Variants in SNRPE observed in about 807,000 individuals in gnomAD.
SNRPE encodes small nuclear ribonucleoprotein polypeptide E.
For synonymous variants in SNRPE, 35 were observed against 36.7 expected, an observed-to-expected ratio of 0.95 and a Z score of 0.17; for missense variants, 53 against 111.6, an observed-to-expected ratio of 0.48 and a Z score of 2.36.
intron 4 of SNRPE, among the ~76,000 whole-genome samples, chr1:203,869,399 C>T (rs543240478): frequency 2.1e-5 from 3 of 144,184 alleles, no homozygotes; most frequent in East Asian, 2.2e-4. Context: ...CTCCGCCTCC[C>T]GGATTCAAGC....
chr1:203,868,570 T>C (rs1022500358), intron 4 of SNRPE, among the ~76,000 whole-genome samples: 2 of 152,222 alleles, frequency 1.3e-5, no homozygotes, highest in African/African-American at 2.4e-5. Context: ...GAACTAGATA[T>C]ATGGAAAGTA....
In SNRPE at chr1:203,871,048, A is replaced by C. The variant is rs1464945600; in HGVS notation, c.*1116A>C. ...AGAGGAGATTTGTAGGTGAATGCAG[A>C]AGTGTATCCAGCTTTGAACCATGCA... On this transcript the variant is annotated 3_prime_UTR_variant, in exon 5 of 5. Transcript: ENST00000414487. Among the ~76,000 whole-genome samples, 1 of 152,230 alleles carries C rather than the reference A, an allele frequency of 6.6e-6. No homozygotes were observed. Among genetic ancestry groups the C allele is most frequent in the Non-Finnish European group, 1.5e-5 (1 of 68,048 alleles).
chr1:203,862,108 A>C, intron 1 of SNRPE, 88 bp from the exon 2 acceptor site: 1 of 1,054,586 alleles, frequency 9.5e-7, no homozygotes, highest in Non-Finnish European at 1.5e-6. Context: ...TAGTAAACAA[A>C]GGTGAGACGG....
intron 4 of SNRPE, 40 bp from the exon 5 acceptor site, chr1:203,869,837 G>T: frequency 7.0e-7 from 1 of 1,431,400 alleles, no homozygotes; most frequent in Non-Finnish European, 9.7e-7. Context: ...ACATCTGAGT[G>T]TGTGGCTATT....
intron 1 of SNRPE, 133 bp downstream of exon 1, chr1:203,861,846 G>A: frequency 2.6e-6 from 2 of 758,052 alleles, no homozygotes; most frequent in East Asian, 2.6e-5. Flanking sequence ...ACCAAGACTG[G>A]AAGAAAGCGC....
At chr1:203,864,101 T>G (rs564424848) in intron 3 of SNRPE, among the ~76,000 whole-genome samples, 96 of 152,112 alleles carry the variant, frequency 6.3e-4, no homozygotes, top group Middle Eastern at 6.8e-3. Flanking sequence ...ATCAGAAGCG[T>G]GCACCATCAC....
Position 203,871,000 on chromosome 1 carries a change from A to G in SNRPE, c.*1068A>G, listed in dbSNP as rs1213799644. On this transcript the variant is annotated 3_prime_UTR_variant, in exon 5 of 5. Coordinates refer to ENST00000414487, the MANE Select transcript of SNRPE (RefSeq NM_003094.4). ...TGAAGGAGACTTTTCATGAAACTGA[A>G]TAAAAGAAATCCTTTCCGAGATAGA... is the stretch of plus-strand genomic sequence containing the variant. Among the ~76,000 whole-genome samples the G allele has an allele frequency of 1.3e-5, 2 of 152,226 alleles. No individual in the cohort carries two copies. Among genetic ancestry groups the G allele is most frequent in the South Asian group, 2.1e-4 (1 of 4,832 alleles).
In SNRPE at chr1:203,870,051, C is replaced by T. The variant is rs555319408; in HGVS notation, c.*119C>T. On this transcript the variant is annotated 3_prime_UTR_variant, in exon 5 of 5. Coordinates refer to ENST00000414487, the MANE Select transcript of SNRPE (RefSeq NM_003094.4). ...TTACCCTCGTGTTACTACAAGATGG[C>T]AATAAATACTATGGGATTGTTTGTA... 9 of 598,566 alleles carry T rather than the reference C, an allele frequency of 1.5e-5. No homozygotes were observed. The highest frequency in any genetic ancestry group is 9.1e-4 in the Middle Eastern group (2 of 2,204). The allele number at this position is 598,566 out of a possible 1,614,324, so 37.1% of individuals were successfully genotyped here. A position where few individuals can be genotyped will look rare whatever the true frequency, so the allele number is the denominator to read the frequency against.
rs901021506 is a variant in SNRPE, at chr1:203,867,259, G to A, written c.223+2140G>A. ...CACGCCACTGCGCTCCAGCCTGGGC[G>A]ACACAGCGAGACTCTGTCTCAAAAA... On this transcript the variant is annotated intron_variant, in intron 4 of 4. Transcript: ENST00000414487. 9.2e-5 allele frequency among the ~76,000 whole-genome samples: 12 copies of A among 130,750 alleles called. No individual in the cohort carries two copies. In the East Asian group the frequency reaches 1.6e-3, roughly 17 times the overall value. The allele number at this position is 130,750 out of a possible 152,430, so 85.8% of individuals were successfully genotyped here.
In SNRPE at chr1:203,870,397, G is replaced by A. The variant is rs531274218; in HGVS notation, c.*465G>A. On this transcript the variant is annotated 3_prime_UTR_variant, in exon 5 of 5. Transcript: ENST00000414487. ...AAATATGTTGGGTACATTATTTAAT[G>A]GGGTCAGTATTGCTCAACACTCTCA... 2.6e-5 allele frequency: 4 copies of A among 153,956 alleles called. No individual in the cohort carries two copies. Among genetic ancestry groups the A allele is most frequent in the African/African-American group, 9.6e-5 (4 of 41,474 alleles). 9.5% of individuals were successfully genotyped at this position (153,956 alleles called of 1,614,324 possible). A position where few individuals can be genotyped will look rare whatever the true frequency, so the allele number is the denominator to read the frequency against.
In SNRPE at chr1:203,863,716, C is replaced by A. The variant is rs770080568; in HGVS notation, c.135C>A (p.Gly45=). The change falls in exon 3 of 5, where the codon GGC becomes GGA. Residue 45 remains glycine (G), a synonymous_variant. Coordinates refer to ENST00000414487, the MANE Select transcript of SNRPE (RefSeq NM_003094.4). Reference sequence around the variant, plus strand: ...AGCAAGTGAATATGCGGATAGAAGGCTGTATCATTGTGAGTATCCAGGCGA... The same window carrying A: ...AGCAAGTGAATATGCGGATAGAAGGATGTATCATTGTGAGTATCCAGGCGA... The part of the protein sequence containing the change: ...LYEQVNMRIE[G]CIIGFDEYMN... 3 of 1,598,246 alleles carry A rather than the reference C, an allele frequency of 1.9e-6. No individual in the cohort carries two copies. The highest frequency in any genetic ancestry group is 3.3e-5 in the Admixed American group (2 of 59,956).
intron 2 of SNRPE, 42 bp downstream of exon 2, chr1:203,862,264 G>C: frequency 7.1e-7 from 1 of 1,417,416 alleles, no homozygotes; most frequent in Non-Finnish European, 1.0e-6. Flanking sequence ...TTAAATAAGA[G>C]GTGAACTGAT....
In SNRPE at chr1:203,865,055, T is replaced by C. The variant is rs1479070624; in HGVS notation, c.159T>C (p.Tyr53=). 6.2e-7 allele frequency: 1 copy of C among 1,612,256 alleles called. No individual in the cohort carries two copies. Among genetic ancestry groups the C allele is most frequent in the South Asian group, 1.1e-5 (1 of 90,812 alleles). Residue 53 remains tyrosine (Y), a synonymous_variant, in exon 4 of 5, where the codon TAT becomes TAC. Transcript: ENST00000414487. ...IEGCIIGFDE[Y]MNLVLDDAEE... ...TATTTTTCTAGGGTTTTGATGAGTA[T>C]ATGAACCTTGTATTAGATGATGCAG... is the stretch of plus-strand genomic sequence containing the variant.
chr1:203,863,782 A>C, intron 3 of SNRPE, 57 bp downstream of exon 3: 1 of 1,181,318 alleles, frequency 8.5e-7, no homozygotes, highest in Non-Finnish European at 1.3e-6. Context: ...AAGACTTAAC[A>C]GAAAGTGTCT....
intron 4 of SNRPE, among the ~76,000 whole-genome samples, chr1:203,869,289 CTTTTTTTTTTTTT>C (rs564988259): frequency 3.4e-4 from 23 of 66,788 alleles, no homozygotes; most frequent in Admixed American, 2.0e-3. Context: ...AGGATGGAGT[CTTTTTTTTTTTTT>C]TTTTTTTTTT....
intron 4 of SNRPE, among the ~76,000 whole-genome samples, chr1:203,868,072 T>A (rs563684694): frequency 2.9e-5 from 3 of 102,128 alleles, no homozygotes; most frequent in African/African-American, 1.1e-4. Context: ...CTTTCTTTTG[T>A]TTTTGGAGAC....
chr1:203,863,128 A>T (rs1224773388), intron 2 of SNRPE, among the ~76,000 whole-genome samples: 1 of 141,270 alleles, frequency 7.1e-6, no homozygotes. Flanking sequence ...CAATTTTTTT[A>T]GGAGCCATAT....
chr1:203,865,830 G>T (rs1690076066), intron 4 of SNRPE, among the ~76,000 whole-genome samples: 1 of 152,204 alleles, frequency 6.6e-6, no homozygotes, highest in Non-Finnish European at 1.5e-5. Context: ...GGAAACACTT[G>T]TATTTACTGG....
intron 4 of SNRPE, among the ~76,000 whole-genome samples, chr1:203,866,908 C>T (rs2103509657): frequency 1.3e-5 from 2 of 151,842 alleles, no homozygotes; most frequent in South Asian, 4.2e-4. Flanking sequence ...ATTTGCCCAA[C>T]CATTAATCTT....
Sources: gnomAD v4.1 joint callset for allele counts (sites outside exome capture counted in the v4.1 genomes callset) on GRCh38, gnomAD v4.1.1 for gene constraint, MANE v1.5 for transcripts, NCBI Gene and HGNC (gene_info 2026-07-23, HGNC 2026-07-21) for gene names.